The following RALGAPA2 variants were observed in gnomAD, a reference collection of about 807,000 sequenced individuals.
RALGAPA2 encodes the protein Ral GTPase activating protein catalytic subunit alpha 2, also known as ral GTPase-activating protein subunit alpha-2.
RALGAPA2 carries 139 observed loss-of-function variants against 230.4 expected under a neutral mutation model. That is an observed-to-expected ratio of 0.60 (90% CI 0.53 to 0.69). The LOEUF (loss-of-function observed/expected upper bound fraction) is 0.69, where lower values mean the gene tolerates loss of function less well. Ranked by LOEUF, RALGAPA2 falls within the 30% of genes least tolerant of loss-of-function variation. The probability of loss-of-function intolerance (pLI) is 0.00; values close to 1 mark genes in which losing one functional copy is unlikely to be tolerated. For missense variants in RALGAPA2, 2,163 were observed against 2,276.0 expected (o/e 0.95, Z 1.01); for synonymous variants, 847 against 837.8 (o/e 1.01, Z -0.19).
chr20:20,627,879 A>C (rs2066540169), intron 10 of RALGAPA2, among the ~76,000 whole-genome samples: 1 of 152,228 alleles, frequency 6.6e-6, no homozygotes, highest in Admixed American at 6.5e-5. Context: ...GGTTGCTGGC[A>C]CTGGACAGGC....
At position 20,587,852 on chromosome 20, in the gene RALGAPA2, C is replaced by T. The variant is rs1279298933; in HGVS notation, c.2439+1416G>A. ...ACAAAGGACATCAGTAGGCATTTCACAGATGAAACAAAAATGGCCAATAAA... is the reference window on the plus strand; with the variant it reads ...ACAAAGGACATCAGTAGGCATTTCATAGATGAAACAAAAATGGCCAATAAA... On this transcript the variant is annotated intron_variant, in intron 18 of 39. Transcript: ENST00000202677. 3.3e-5 allele frequency among the ~76,000 whole-genome samples: 5 copies of T among 152,114 alleles called. No homozygotes were observed. The East Asian group carries it at 9.6e-4, about 29-fold the overall frequency.
At chr20:20,565,701 A>C (rs2064396340) in intron 23 of RALGAPA2, among the ~76,000 whole-genome samples, 1 of 152,214 alleles carries the variant, frequency 6.6e-6, no homozygotes, top group South Asian at 2.1e-4. Flanking sequence ...TGAAAGCAAA[A>C]TGTTCCTACA....
At chr20:20,578,961 T>C (rs1230787071) in intron 20 of RALGAPA2, among the ~76,000 whole-genome samples, 1 of 152,210 alleles carries the variant, frequency 6.6e-6, no homozygotes, top group Non-Finnish European at 1.5e-5. Flanking sequence ...TTTTTCTTTC[T>C]AATATTTCAT....
At chr20:20,488,498 G>C (rs1249794135) in intron 36 of RALGAPA2, among the ~76,000 whole-genome samples, 2 of 152,202 alleles carry the variant, frequency 1.3e-5, no homozygotes, top group East Asian at 3.8e-4. Context: ...CTCTGTATCT[G>C]CCTGTCTATC....
intron 5 of RALGAPA2, among the ~76,000 whole-genome samples, chr20:20,641,184 G>C (rs568085991): frequency 1.3e-5 from 2 of 152,208 alleles, no homozygotes; most frequent in South Asian, 4.2e-4. Flanking sequence ...AGGATGATAA[G>C]ACATTTACCA....
chr20:20,490,414 A>G (rs2062020586), intron 36 of RALGAPA2, among the ~76,000 whole-genome samples: 1 of 152,228 alleles, frequency 6.6e-6, no homozygotes, highest in Admixed American at 6.5e-5. Context: ...TCCATTTAAT[A>G]ACCTATTTTA....
chr20:20,615,990 T>TG, intron 13 of RALGAPA2, 53 bp downstream of exon 13: 1 of 1,283,484 alleles, frequency 7.8e-7, no homozygotes, highest in Non-Finnish European at 1.0e-6. Flanking sequence ...TTAATTATGT[T>TG]GAAAAACAGA....
intron 26 of RALGAPA2, among the ~76,000 whole-genome samples, chr20:20,532,071 G>C (rs917299053): frequency 6.6e-6 from 1 of 152,052 alleles, no homozygotes; most frequent in Admixed American, 6.6e-5. Flanking sequence ...ATATCACTTA[G>C]TTTTGTTGAA....
At chr20:20,403,605 G>A (rs1373996045) in intron 38 of RALGAPA2, among the ~76,000 whole-genome samples, 2 of 152,132 alleles carry the variant, frequency 1.3e-5, no homozygotes, top group African/African-American at 4.8e-5. Context: ...TGTCACCCTG[G>A]TCCGGAGCGC....
chr20:20,494,954 T>C (rs1348043379), intron 36 of RALGAPA2, among the ~76,000 whole-genome samples, 163 bp downstream of exon 36: 1 of 152,186 alleles, frequency 6.6e-6, no homozygotes, highest in Non-Finnish European at 1.5e-5. Context: ...AAATCCCAAT[T>C]CATATTTAAT....
In RALGAPA2 at chr20:20,616,197, A is replaced by T; in HGVS notation, c.1540-6T>A. On this transcript the variant is annotated splice_polypyrimidine_tract_variant and splice_region_variant and intron_variant, in intron 12 of 39. Transcript: ENST00000202677. ...GCAGAGTTCGTCAAAAATACCTTAA[A>T]ATCAACAACTTTACATTAGAAAATA... 6.7e-7 allele frequency: 1 copy of T among 1,500,886 alleles called. No homozygotes were observed. The highest frequency in any genetic ancestry group is 8.9e-7 in the Non-Finnish European group (1 of 1,123,988). 93.0% of individuals were successfully genotyped at this position (1,500,886 alleles called of 1,614,324 possible).
At chr20:20,609,483 T>C (rs1221856778) in intron 14 of RALGAPA2, among the ~76,000 whole-genome samples, 1 of 152,140 alleles carries the variant, frequency 6.6e-6, no homozygotes, top group Admixed American at 6.5e-5. Context: ...GTTTTCTCCA[T>C]TCATGGGGGG....
At chr20:20,523,715 C>T (rs1177301153) in intron 30 of RALGAPA2, among the ~76,000 whole-genome samples, 1 of 151,668 alleles carries the variant, frequency 6.6e-6, no homozygotes, top group Non-Finnish European at 1.5e-5. Flanking sequence ...TATGTATCAA[C>T]AAAAATAAAT....
At chr20:20,661,045 A>G (rs558663795) in intron 3 of RALGAPA2, among the ~76,000 whole-genome samples, 1 of 152,368 alleles carries the variant, frequency 6.6e-6, no homozygotes, top group African/African-American at 2.4e-5. Flanking sequence ...CTAAAGAGGG[A>G]AAAATAATAT....
At chr20:20,453,087 ACATTG>A (rs1363987304) in intron 37 of RALGAPA2, among the ~76,000 whole-genome samples, 1 of 152,222 alleles carries the variant, frequency 6.6e-6, no homozygotes, top group African/African-American at 2.4e-5. Flanking sequence ...TTGTGTTAAG[ACATTG>A]CATTGCGTTT....
At chr20:20,459,624 C>A (rs2061254890) in intron 37 of RALGAPA2, among the ~76,000 whole-genome samples, 1 of 151,980 alleles carries the variant, frequency 6.6e-6, no homozygotes, top group Non-Finnish European at 1.5e-5. Flanking sequence ...TTCACCAAGA[C>A]CCTTGCGCCC....
At chr20:20,525,625 T>C (rs2063177407) in intron 28 of RALGAPA2, among the ~76,000 whole-genome samples, 1 of 152,196 alleles carries the variant, frequency 6.6e-6, no homozygotes, top group Admixed American at 6.5e-5. Flanking sequence ...AAAGTGCAGC[T>C]ACAAAAATCA....
intron 2 of RALGAPA2, among the ~76,000 whole-genome samples, chr20:20,677,628 C>CTTTTTTTTTTTTTTTTTTTTTTTTTTT (rs1568741580): frequency 8.2e-6 from 1 of 121,840 alleles, no homozygotes; most frequent in Non-Finnish European, 1.7e-5. Flanking sequence ...TGATTTGACC[C>CTTTTTTTTTTTTTTTTTTTTTTTTTTT]ATTTTTTTTT....
chr20:20,597,863 A>C (rs934401233), intron 16 of RALGAPA2, among the ~76,000 whole-genome samples: 2 of 152,144 alleles, frequency 1.3e-5, no homozygotes, highest in Non-Finnish European at 2.9e-5. Context: ...CAACAACAAC[A>C]AAAAATACTA....
Sources: allele counts gnomAD v4.1 joint callset (sites outside exome capture counted in the v4.1 genomes callset), GRCh38; gene constraint gnomAD v4.1.1; transcripts MANE v1.5; gene names NCBI Gene and HGNC (gene_info 2026-07-23, HGNC 2026-07-21).